CLEC16A: variants seen among roughly 807,000 people sequenced by gnomAD.
The protein encoded by CLEC16A is protein CLEC16A.
A neutral mutation model predicts 109.5 loss-of-function variants in CLEC16A; 51 were observed. The observed-to-expected ratio is 0.47, with a 90% CI of 0.37 to 0.59. The LOEUF (loss-of-function observed/expected upper bound fraction) is 0.59. Among genes scored for constraint, CLEC16A ranks in the 20% least tolerant of loss-of-function variants. The probability of loss-of-function intolerance (pLI) is 0.00; values close to 1 mark genes in which losing one functional copy is unlikely to be tolerated. For missense variants in CLEC16A, 1,339 were observed against 1,394.0 expected (o/e 0.96, Z 0.63); for synonymous variants, 673 against 564.2 (o/e 1.19, Z -2.73).
intron 4 of CLEC16A, among the ~76,000 whole-genome samples, chr16:10,970,452 A>G (rs777638070): frequency 7.9e-5 from 12 of 152,240 alleles, no homozygotes; most frequent in Admixed American, 6.5e-5. Flanking sequence ...AGATGTTATT[A>G]TCCCCATGTT....
intron 19 of CLEC16A, among the ~76,000 whole-genome samples, chr16:11,106,928 C>G (rs1257776833): frequency 6.6e-6 from 1 of 152,088 alleles, no homozygotes; most frequent in African/African-American, 2.4e-5. Context: ...GGACTGTTGC[C>G]CTGCACAGCT....
intron 19 of CLEC16A, among the ~76,000 whole-genome samples, chr16:11,086,136 A>G (rs1174698152): frequency 6.6e-6 from 1 of 152,230 alleles, no homozygotes; most frequent in Non-Finnish European, 1.5e-5. Context: ...GCTTGTTTCC[A>G]GGGAACTTTG....
chr16:11,082,451 G>C (rs1347799765), intron 19 of CLEC16A, among the ~76,000 whole-genome samples: 1 of 152,220 alleles, frequency 6.6e-6, no homozygotes, highest in African/African-American at 2.4e-5. Context: ...CCCAAATCTT[G>C]ATGCTGGGTG....
intron 1 of CLEC16A, among the ~76,000 whole-genome samples, chr16:10,946,109 G>T (rs562244249): frequency 6.6e-6 from 1 of 152,148 alleles, no homozygotes; most frequent in Non-Finnish European, 1.5e-5. Context: ...GGGAAATGGC[G>T]GGGATGCTGA....
At chr16:11,026,458 C>T (rs1335867000) in intron 13 of CLEC16A, among the ~76,000 whole-genome samples, 1 of 151,972 alleles carries the variant, frequency 6.6e-6, no homozygotes, top group East Asian at 1.9e-4. Flanking sequence ...TTATGTTTTT[C>T]CTTTATTATC....
chr16:11,175,905 G>GA (rs2068729706), intron 23 of CLEC16A, among the ~76,000 whole-genome samples: 1 of 152,232 alleles, frequency 6.6e-6, no homozygotes, highest in Non-Finnish European at 1.5e-5. Flanking sequence ...CTTGAGCAAA[G>GA]AGAGAAAACA....
chr16:11,060,129 A>T (rs28514931), intron 18 of CLEC16A, among the ~76,000 whole-genome samples: 5,148 of 152,264 alleles, frequency 0.034, 280 homozygotes, highest in African/African-American at 0.12. Flanking sequence ...TGGCCACACA[A>T]TTCTGACCAG....
Position 10,959,014 on chromosome 16 carries a change from GGTGTGTGTGTGTGTGT to G in CLEC16A, c.209+1127_209+1142del, listed in dbSNP as rs59658260. 4.1e-5 allele frequency among the ~76,000 whole-genome samples: 6 copies of G among 146,190 alleles called. No individual in the cohort carries two copies. In the South Asian group the frequency reaches 6.6e-4, roughly 16 times the overall value. On this transcript the variant is annotated intron_variant, in intron 2 of 23. Coordinates refer to ENST00000409790, the MANE Select transcript of CLEC16A (RefSeq NM_015226.3). ...TGGGTTATGACAACCACTAAACACGGGTGTGTGTGTGTGTGTGTGTGTGTGTGTGTGTGTGTGTCTG... is the reference window on the plus strand; with the variant it reads ...TGGGTTATGACAACCACTAAACACGGGTGTGTGTGTGTGTGTGTGTGTCTG...
Position 11,060,947 on chromosome 16 carries a change from C to G in CLEC16A, c.2041C>G (p.Arg681Gly), listed in dbSNP as rs200316563. 6.2e-7 allele frequency: 1 copy of G among 1,612,510 alleles called. No individual in the cohort carries two copies. The highest frequency in any genetic ancestry group is 8.5e-7 in the Non-Finnish European group (1 of 1,179,360). ...FMLRSLSLQLRGEPETQLPLT... is the reference protein window; with the variant it reads ...FMLRSLSLQLGGEPETQLPLT... The stretch of plus-strand genomic sequence containing the variant: ...GCTGCGTTCCCTGTCACTGCAATTG[C>G]GAGGGGAGCCTGAGACACAGTTGCC... Residue 681 changes from arginine (R) to glycine (G), a missense_variant, in exon 19 of 24, where the codon CGA (arginine) becomes GGA (glycine). Coordinates refer to ENST00000409790, the MANE Select transcript of CLEC16A (RefSeq NM_015226.3).
At chr16:11,008,825 C>CT (rs1217510592) in intron 11 of CLEC16A, among the ~76,000 whole-genome samples, 11 of 87,202 alleles carry the variant, frequency 1.3e-4, no homozygotes, top group Non-Finnish European at 2.3e-4. Flanking sequence ...CCCGTCTCTA[C>CT]TAAAAAAAAA....
intron 23 of CLEC16A, among the ~76,000 whole-genome samples, chr16:11,172,257 T>G (rs1165021995): frequency 6.6e-6 from 1 of 152,044 alleles, no homozygotes; most frequent in Non-Finnish European, 1.5e-5. Context: ...CGCATACAAA[T>G]GTATGTACGT....
chr16:11,032,216 G>A (rs1162140989), intron 13 of CLEC16A, among the ~76,000 whole-genome samples: 1 of 152,214 alleles, frequency 6.6e-6, no homozygotes, highest in African/African-American at 2.4e-5. Flanking sequence ...GTTCCCTAGG[G>A]TGAGTGGCAG....
intron 23 of CLEC16A, among the ~76,000 whole-genome samples, chr16:11,170,764 T>C (rs1190723035): frequency 6.6e-6 from 1 of 152,154 alleles, no homozygotes; most frequent in Non-Finnish European, 1.5e-5. Context: ...CGGGATACAA[T>C]GTGGCAAAAA....
At chr16:11,117,015 T>A (rs11642133) in intron 19 of CLEC16A, among the ~76,000 whole-genome samples, 11,237 of 152,236 alleles carry the variant, frequency 0.074, 431 homozygotes, top group East Asian at 0.12. Flanking sequence ...AAAAAAGAAC[T>A]AAGTCGTGTC....
intron 7 of CLEC16A, among the ~76,000 whole-genome samples, chr16:10,975,758 T>C (rs895426787): frequency 6.6e-6 from 1 of 152,090 alleles, no homozygotes; most frequent in African/African-American, 2.4e-5. Flanking sequence ...GTGATTCTTG[T>C]GCCTCGGCCT....
chr16:11,148,397 G>T (rs2054156477), intron 22 of CLEC16A, among the ~76,000 whole-genome samples: 2 of 152,160 alleles, frequency 1.3e-5, no homozygotes, highest in African/African-American at 4.8e-5. Flanking sequence ...AGGAGGTCTG[G>T]AGGCACTAGA....
At chr16:10,971,638 T>C in intron 5 of CLEC16A, 1 of 522,814 alleles carries the variant, frequency 1.9e-6, no homozygotes, top group Non-Finnish European at 2.5e-6. Flanking sequence ...GCATGTCACA[T>C]TGTGAACAGC....
intron 22 of CLEC16A, among the ~76,000 whole-genome samples, chr16:11,140,719 T>C (rs973411622): frequency 6.6e-6 from 1 of 152,232 alleles, no homozygotes; most frequent in Non-Finnish European, 1.5e-5. Flanking sequence ...GTGCACCTGC[T>C]GTGCCCAGGT....
intron 19 of CLEC16A, among the ~76,000 whole-genome samples, chr16:11,065,385 T>A (rs917931351): frequency 6.6e-6 from 1 of 152,258 alleles, no homozygotes; most frequent in Non-Finnish European, 1.5e-5. Context: ...TAGCATGTGC[T>A]ACATGTATCT....
Sources: allele counts gnomAD v4.1 joint callset (sites outside exome capture counted in the v4.1 genomes callset), GRCh38; gene constraint gnomAD v4.1.1; transcripts MANE v1.5; gene names NCBI Gene and HGNC (gene_info 2026-07-23, HGNC 2026-07-21).